NKAIN2: variants seen among roughly 807,000 people sequenced by gnomAD.
NKAIN2 encodes sodium/potassium transporting ATPase interacting 2, also known as sodium/potassium-transporting ATPase subunit beta-1-interacting protein 2.
In NKAIN2, 14 loss-of-function variants were observed where a neutral mutation model predicts 32.6. The observed-to-expected ratio is 0.43, with a 90% CI of 0.28 to 0.67. The LOEUF (loss-of-function observed/expected upper bound fraction) is 0.67, where lower values mean the gene tolerates loss of function less well. Among genes scored for constraint, NKAIN2 ranks in the 30% least tolerant of loss-of-function variants. The pLI, the probability that NKAIN2 is intolerant of heterozygous loss-of-function variation, is 0.17. For missense variants in NKAIN2, 198 were observed against 258.3 expected (o/e 0.77, Z 1.60); for synonymous variants, 80 against 87.2 (o/e 0.92, Z 0.46).
At chr6:124,206,928 A>G (rs1790916844) in intron 1 of NKAIN2, among the ~76,000 whole-genome samples, 1 of 151,784 alleles carries the variant, frequency 6.6e-6, no homozygotes, top group African/African-American at 2.4e-5. Flanking sequence ...TTAACATCTC[A>G]TATCTCCTCT....
intron 1 of NKAIN2, among the ~76,000 whole-genome samples, chr6:124,230,463 A>G (rs1792388580): frequency 6.6e-6 from 1 of 152,192 alleles, no homozygotes; most frequent in Non-Finnish European, 1.5e-5. Context: ...CTGAATGTTA[A>G]TACCCAAGAC....
At chr6:124,201,197 A>G (rs1299078324) in intron 1 of NKAIN2, among the ~76,000 whole-genome samples, 1 of 152,024 alleles carries the variant, frequency 6.6e-6, no homozygotes. Flanking sequence ...GATTTTCTCT[A>G]AGACTTACAC....
chr6:124,307,074 C>T (rs780100486), intron 2 of NKAIN2, among the ~76,000 whole-genome samples: 19 of 151,990 alleles, frequency 1.3e-4, no homozygotes, highest in Admixed American at 5.9e-4. Context: ...AAGGCCCGCT[C>T]GGGAAGGTCT....
chr6:124,581,427 C>T (rs1781517603), intron 3 of NKAIN2, among the ~76,000 whole-genome samples: 2 of 109,868 alleles, frequency 1.8e-5, no homozygotes, highest in African/African-American at 7.0e-5. Context: ...GCCTGGGCAA[C>T]AGAGCGAGAC....
intron 1 of NKAIN2, among the ~76,000 whole-genome samples, chr6:124,265,799 A>G (rs1364097684): frequency 6.6e-6 from 1 of 152,224 alleles, no homozygotes; most frequent in Admixed American, 6.5e-5. Context: ...GCGGCAAAAC[A>G]GTATAACACC....
intron 5 of NKAIN2, among the ~76,000 whole-genome samples, chr6:124,806,016 G>A (rs1354200495): frequency 1.3e-5 from 2 of 152,060 alleles, no homozygotes; most frequent in Admixed American, 6.6e-5. Flanking sequence ...CGTCTGATTG[G>A]TGTACCTGAA....
intron 1 of NKAIN2, among the ~76,000 whole-genome samples, chr6:124,236,937 G>T (rs1386963055): frequency 6.6e-6 from 1 of 152,136 alleles, no homozygotes; most frequent in Non-Finnish European, 1.5e-5. Context: ...CACTGAAAAT[G>T]CAATGTAAAA....
chr6:124,303,260 A>C (rs1348363245), intron 2 of NKAIN2, among the ~76,000 whole-genome samples: 2 of 152,234 alleles, frequency 1.3e-5, no homozygotes. Context: ...ATATATGCAA[A>C]GTGACCCCCA....
At chr6:124,135,352 C>T (rs1474916938) in intron 1 of NKAIN2, among the ~76,000 whole-genome samples, 2 of 151,636 alleles carry the variant, frequency 1.3e-5, no homozygotes, top group Admixed American at 1.3e-4. Context: ...AAAATTCCAC[C>T]AACCAAGTAT....
At chr6:124,093,868 A>G (rs888432096) in intron 1 of NKAIN2, among the ~76,000 whole-genome samples, 2 of 152,146 alleles carry the variant, frequency 1.3e-5, no homozygotes, top group Admixed American at 1.3e-4. Context: ...CAGAGAAACT[A>G]AAGGTTGTTG....
At chr6:124,304,396 G>A (rs1351563941) in intron 2 of NKAIN2, among the ~76,000 whole-genome samples, 1 of 151,890 alleles carries the variant, frequency 6.6e-6, no homozygotes, top group African/African-American at 2.4e-5. Context: ...ATAACTGAAG[G>A]CAAGAATATG....
chr6:123,848,076 T>TTA (rs923213516), intron 1 of NKAIN2, among the ~76,000 whole-genome samples: 2 of 152,210 alleles, frequency 1.3e-5, no homozygotes, highest in African/African-American at 4.8e-5. Flanking sequence ...GTGGACACTG[T>TTA]TAAGTGAGGA....
At chr6:123,998,191 C>G (rs1779712224) in intron 1 of NKAIN2, among the ~76,000 whole-genome samples, 1 of 152,008 alleles carries the variant, frequency 6.6e-6, no homozygotes, top group Admixed American at 6.6e-5. Context: ...ACTCAGAAAG[C>G]TTTTTGGGAT....
intron 1 of NKAIN2, among the ~76,000 whole-genome samples, chr6:123,885,652 A>C (rs1773677568): frequency 1.3e-5 from 2 of 152,042 alleles, no homozygotes; most frequent in African/African-American, 4.8e-5. Context: ...TCCGTGATGC[A>C]AGAACTGCTG....
At chr6:124,173,762 C>G (rs1397295280) in intron 1 of NKAIN2, among the ~76,000 whole-genome samples, 3 of 151,926 alleles carry the variant, frequency 2.0e-5, no homozygotes, top group African/African-American at 7.2e-5. Flanking sequence ...ATATAATCAT[C>G]ATTTTTGAAA....
At chr6:124,315,703 T>C (rs953376153) in intron 2 of NKAIN2, among the ~76,000 whole-genome samples, 7 of 152,140 alleles carry the variant, frequency 4.6e-5, no homozygotes, top group African/African-American at 1.2e-4. Flanking sequence ...GGAGAAAAGA[T>C]ATTATCCTGC....
intron 4 of NKAIN2, among the ~76,000 whole-genome samples, chr6:124,704,208 A>C (rs1774937712): frequency 6.6e-6 from 1 of 151,978 alleles, no homozygotes; most frequent in Non-Finnish European, 1.5e-5. Flanking sequence ...AGATTGAAGA[A>C]TAAAAATTAA....
chr6:123,874,970 A>C, intron 1 of NKAIN2, among the ~76,000 whole-genome samples: 1 of 151,912 alleles, frequency 6.6e-6, no homozygotes, highest in South Asian at 2.1e-4. Flanking sequence ...ATTTTAAACT[A>C]TATAGAGATT....
chr6:123,920,243 G>T (rs570974119), intron 1 of NKAIN2, among the ~76,000 whole-genome samples: 1 of 152,202 alleles, frequency 6.6e-6, no homozygotes, highest in South Asian at 2.1e-4. Context: ...CAGTAACAAC[G>T]CTGGCAAAAT....
Sources: allele counts gnomAD v4.1 joint callset (sites outside exome capture counted in the v4.1 genomes callset), GRCh38; gene constraint gnomAD v4.1.1; transcripts MANE v1.5; gene names NCBI Gene and HGNC (gene_info 2026-07-23, HGNC 2026-07-21).